ROBO1: variants seen among roughly 807,000 people sequenced by gnomAD.
ROBO1 encodes the protein roundabout homolog 1.
ROBO1 carries 149 observed loss-of-function variants against 195.9 expected under a neutral mutation model. The ratio of observed to expected loss-of-function variants is 0.76; its 90% CI spans 0.67 to 0.87. ROBO1 has a LOEUF of 0.87. Ranked by LOEUF, ROBO1 falls within the 40% of genes least tolerant of loss-of-function variation. The pLI is 0.00. For missense variants in ROBO1, 1,933 were observed against 2,068.3 expected (o/e 0.93, Z 1.27); for synonymous variants, 816 against 733.2 (o/e 1.11, Z -1.82).
intron 3 of ROBO1, among the ~76,000 whole-genome samples, chr3:79,042,951 A>C (rs1048817377): frequency 2.6e-5 from 4 of 152,144 alleles, no homozygotes; most frequent in African/African-American, 9.7e-5. Context: ...AGAAAATAAA[A>C]TTGTATTTTC....
At chr3:79,367,978 G>A (rs1179771997) in intron 2 of ROBO1, among the ~76,000 whole-genome samples, 1 of 152,142 alleles carries the variant, frequency 6.6e-6, no homozygotes, top group Non-Finnish European at 1.5e-5. Flanking sequence ...GTCTCACTCT[G>A]TCACCCAGGC....
chr3:78,717,311 C>T lies in ROBO1; in HGVS notation c.881G>A (p.Arg294Gln), dbSNP rs774853550. Residue 294 changes from arginine to glutamine, a missense_variant, in exon 7 of 31, where the codon CGA becomes CAA. Physicochemically the swap from Arg to Gln is conservative, Grantham distance 43 (BLOSUM62 1). This residue lies in a region of ROBO1 where 1,737 missense variants were observed against 1,882.5 expected (regional missense o/e 0.92). Coordinates refer to ENST00000464233, the MANE Select transcript of ROBO1 (RefSeq NM_002941.4). Reference sequence around the variant, plus strand: ...CAGCTCTCCATCATCTTTCCTCCATCGTACTGTAGGTACAGGGTCACCTCG... The same window carrying T: ...CAGCTCTCCATCATCTTTCCTCCATTGTACTGTAGGTACAGGGTCACCTCG... ...EARGDPVPTV[R>Q]WRKDDGELPK... The T allele has an allele frequency of 1.3e-5, 21 of 1,598,720 alleles. No homozygotes were observed. The highest frequency in any genetic ancestry group is 1.7e-4 in the Middle Eastern group (1 of 5,970).
intron 4 of ROBO1, among the ~76,000 whole-genome samples, chr3:78,866,868 G>A (rs550368996): frequency 4.6e-5 from 7 of 152,194 alleles, no homozygotes; most frequent in East Asian, 1.9e-4. Flanking sequence ...TCTAGACCAC[G>A]AAAGATCTCT....
At chr3:79,467,952 G>A (rs550802036) in intron 2 of ROBO1, among the ~76,000 whole-genome samples, 1 of 152,260 alleles carries the variant, frequency 6.6e-6, no homozygotes, top group South Asian at 2.1e-4. Flanking sequence ...CCTGTGAGCG[G>A]AGGTTAGGGA....
In ROBO1 at chr3:78,923,412, T is replaced by C. The variant is rs141954969; in HGVS notation, c.499+15189A>G. ...GTCATTTTCTAAAGTGGAAAGGGAC[T>C]GATTAATATCTTCCCTTTCCCCAGG... is the stretch of plus-strand genomic sequence containing the variant. On this transcript the variant is annotated intron_variant, in intron 4 of 30. Transcript: ENST00000464233. 1.4e-3 allele frequency among the ~76,000 whole-genome samples: 219 copies of C among 152,260 alleles called. 4 individuals are homozygous for C. In the East Asian group the frequency reaches 0.033, roughly 23 times the overall value.
intron 2 of ROBO1, among the ~76,000 whole-genome samples, chr3:79,581,104 TC>T (rs2107788501): frequency 6.6e-6 from 1 of 152,248 alleles, no homozygotes; most frequent in African/African-American, 2.4e-5. Flanking sequence ...TGACAGTGTC[TC>T]TGGAAATAGT....
At chr3:78,943,244 GT>G (rs1332824516) in intron 3 of ROBO1, among the ~76,000 whole-genome samples, 1 of 152,034 alleles carries the variant, frequency 6.6e-6, no homozygotes, top group African/African-American at 2.4e-5. Context: ...TTTTTGTTTT[GT>G]TTTGTTTTGT....
intron 4 of ROBO1, among the ~76,000 whole-genome samples, chr3:78,910,015 A>G (rs2038151954): frequency 6.6e-6 from 1 of 151,810 alleles, no homozygotes; most frequent in African/African-American, 2.4e-5. Context: ...GTAAAGTCAG[A>G]CCTCCGTAGA....
intron 2 of ROBO1, among the ~76,000 whole-genome samples, chr3:79,342,594 G>C (rs2034952057): frequency 6.6e-6 from 1 of 152,106 alleles, no homozygotes. Flanking sequence ...TTTTAACATA[G>C]AAGTTTGAGA....
At chr3:79,287,368 G>C (rs1048038444) in intron 2 of ROBO1, among the ~76,000 whole-genome samples, 4 of 152,096 alleles carry the variant, frequency 2.6e-5, no homozygotes, top group Non-Finnish European at 5.9e-5. Flanking sequence ...GATGGCACAG[G>C]AGATGAAGTT....
At chr3:79,455,186 G>T (rs923999493) in intron 2 of ROBO1, among the ~76,000 whole-genome samples, 1 of 151,844 alleles carries the variant, frequency 6.6e-6, no homozygotes, top group Admixed American at 6.6e-5. Context: ...GAGCAGTGTT[G>T]CTCTTTGGAA....
intron 2 of ROBO1, among the ~76,000 whole-genome samples, chr3:79,575,191 TATAA>T (rs1378116218): frequency 7.9e-6 from 1 of 126,508 alleles, no homozygotes; most frequent in Non-Finnish European, 1.6e-5. Flanking sequence ...ATAACATATA[TATAA>T]ATATATATAT....
At chr3:79,483,803 T>C (rs569877289) in intron 2 of ROBO1, among the ~76,000 whole-genome samples, 2 of 151,950 alleles carry the variant, frequency 1.3e-5, no homozygotes, top group Non-Finnish European at 2.9e-5. Context: ...CAGACAATCA[T>C]GGATCTGGGA....
chr3:78,675,149 T>TCATC (rs1285941331), intron 10 of ROBO1, among the ~76,000 whole-genome samples: 1 of 151,130 alleles, frequency 6.6e-6, no homozygotes, highest in African/African-American at 2.5e-5. Context: ...TTTCTTTGTT[T>TCATC]CATCCACTCA....
At position 79,614,330 on chromosome 3, in the gene ROBO1, A is replaced by T. The variant is rs184762285; in HGVS notation, c.-50-24369T>A. On this transcript the variant is annotated intron_variant, in intron 1 of 30. Transcript: ENST00000464233. ...AAGGAAGATGCATGGGAAATTCCCA[A>T]ATGTTTGGAAATTAAATACTGCATT... is the stretch of plus-strand genomic sequence containing the variant. Among the ~76,000 whole-genome samples, 14 of 152,232 alleles carry T rather than the reference A, an allele frequency of 9.2e-5. No homozygotes were observed. In the East Asian group the frequency reaches 2.7e-3, roughly 29 times the overall value.
chr3:79,239,344 G>A (rs879641589), intron 2 of ROBO1, among the ~76,000 whole-genome samples: 2 of 152,180 alleles, frequency 1.3e-5, no homozygotes, highest in African/African-American at 2.4e-5. Flanking sequence ...TATATCACAT[G>A]AATGGATTAG....
intron 2 of ROBO1, among the ~76,000 whole-genome samples, chr3:79,392,967 T>G (rs1312835091): frequency 2.0e-5 from 3 of 152,130 alleles, no homozygotes; most frequent in Non-Finnish European, 2.9e-5. Context: ...TCTGGAAAAG[T>G]CTCTTCCTTT....
chr3:79,720,341 C>G (rs1702646186), intron 1 of ROBO1, among the ~76,000 whole-genome samples: 1 of 152,126 alleles, frequency 6.6e-6, no homozygotes. Flanking sequence ...AACTAAGCTA[C>G]TAGTAGCCTT....
At chr3:79,670,458 T>C (rs114144318) in intron 1 of ROBO1, among the ~76,000 whole-genome samples, 2,463 of 151,960 alleles carry the variant, frequency 0.016, 39 homozygotes, top group African/African-American at 0.043. Flanking sequence ...AACAGTTAAC[T>C]GGTGATTGAT....
Sources: gnomAD v4.1 joint callset for allele counts (sites outside exome capture counted in the v4.1 genomes callset) on GRCh38, gnomAD v4.1.1 for gene constraint, gnomAD v4.1.1 regional missense constraint, MANE v1.5 for transcripts, NCBI Gene and HGNC (gene_info 2026-07-23, HGNC 2026-07-21) for gene names.